Variants in RBFOX1 observed in about 807,000 individuals in gnomAD.
RBFOX1 encodes the protein RNA binding fox-1 homolog 1.
A neutral mutation model predicts 57.7 loss-of-function variants in RBFOX1; 8 were observed. That is an observed-to-expected ratio of 0.14 (90% confidence interval 0.08 to 0.25). The LOEUF is 0.25. Among genes scored for constraint, RBFOX1 ranks in the 10% least tolerant of loss-of-function variants. The pLI is 1.00. For missense variants in RBFOX1, 611 were observed against 548.5 expected (o/e 1.11, Z -1.14); for synonymous variants, 326 against 222.4 (o/e 1.47, Z -4.15).
At chr16:6,757,039 TA>T (rs58079935) in intron 3 of RBFOX1, among the ~76,000 whole-genome samples, 144,397 of 152,012 alleles carry the variant, frequency 0.95, 69,015 homozygotes, top group South Asian at 1. Flanking sequence ...CCAACAGGTA[TA>T]AAAAAAATGC....
At chr16:6,936,141 A>C (rs774787889) in intron 3 of RBFOX1, among the ~76,000 whole-genome samples, 12 of 152,150 alleles carry the variant, frequency 7.9e-5, no homozygotes, top group Non-Finnish European at 1.3e-4. Context: ...CACTTGATGG[A>C]TGCTGGTCTT....
chr16:7,692,813 G>C (rs768349347), intron 14 of RBFOX1, among the ~76,000 whole-genome samples: 5 of 151,970 alleles, frequency 3.3e-5, no homozygotes, highest in Admixed American at 6.6e-5. Context: ...GTAGCAAGCT[G>C]GGTTTGATGA....
intron 3 of RBFOX1, among the ~76,000 whole-genome samples, chr16:6,991,339 C>G (rs2091415871): frequency 6.6e-6 from 1 of 151,998 alleles, no homozygotes; most frequent in East Asian, 1.9e-4. Context: ...TCCATTTCAG[C>G]TAATACATCT....
intron 3 of RBFOX1, among the ~76,000 whole-genome samples, chr16:5,815,737 A>G (rs1418336023): frequency 6.6e-6 from 1 of 152,200 alleles, no homozygotes; most frequent in African/African-American, 2.4e-5. Flanking sequence ...AATACAATGC[A>G]CTTTAATAAA....
chr16:5,836,659 G>C (rs775247401), intron 3 of RBFOX1, among the ~76,000 whole-genome samples: 1 of 152,142 alleles, frequency 6.6e-6, no homozygotes, highest in Non-Finnish European at 1.5e-5. Flanking sequence ...TTTGGGGGCT[G>C]GGTTATTCTT....
At chr16:7,427,589 T>A (rs924947306) in intron 4 of RBFOX1, among the ~76,000 whole-genome samples, 5 of 152,078 alleles carry the variant, frequency 3.3e-5, no homozygotes, top group Non-Finnish European at 7.4e-5. Context: ...CAAGCTAATT[T>A]AACTCTTTCT....
chr16:7,379,445 G>A (rs551423225), intron 4 of RBFOX1, among the ~76,000 whole-genome samples: 1 of 152,332 alleles, frequency 6.6e-6, no homozygotes, highest in East Asian at 1.9e-4. Context: ...GGGAATGAAT[G>A]AATTGGAGCT....
At chr16:5,818,673 G>A (rs1166660794) in intron 3 of RBFOX1, among the ~76,000 whole-genome samples, 2 of 152,204 alleles carry the variant, frequency 1.3e-5, no homozygotes, top group South Asian at 2.1e-4. Context: ...CAGCATGGGA[G>A]GAAGAAAACA....
At chr16:6,366,187 G>T (rs368086353) in intron 2 of RBFOX1, among the ~76,000 whole-genome samples, 11 of 151,466 alleles carry the variant, frequency 7.3e-5, no homozygotes, top group African/African-American at 2.2e-4. Context: ...ACATATGTAC[G>T]TATAAATAAA....
rs1287766476 is a variant in RBFOX1 at position 5,454,846 on chromosome 16, TTTCTTTCTTTTC to T, written c.220-12367_220-12356del. 5.2e-3 allele frequency among the ~76,000 whole-genome samples: 699 copies of T among 134,324 alleles called. 4 individuals carry two copies. Among genetic ancestry groups the T allele is most frequent in the Non-Finnish European group, 8.2e-3 (516 of 62,764 alleles). 88.1% of individuals were successfully genotyped at this position (134,324 alleles called of 152,430 possible). On this transcript the variant is annotated intron_variant, in intron 1 of 2. Transcript: ENST00000585867. ...TTCTTTCCTTGCTTTCTTTCCTTTC[TTTCTTTCTTTTC>T]TTTCTTTCTTTCTTTCTTTCTTTCT...
chr16:6,336,949 C>G (rs2083846651), intron 2 of RBFOX1, among the ~76,000 whole-genome samples: 1 of 152,170 alleles, frequency 6.6e-6, no homozygotes, highest in Non-Finnish European at 1.5e-5. Context: ...TGCAAAATCA[C>G]TGTTCGAGTT....
rs573116446 is a variant in RBFOX1, at chr16:5,556,150, CAT to C, written c.259-42751_259-42750del. Among the ~76,000 whole-genome samples, 15 of 152,376 alleles carry C rather than the reference CAT, an allele frequency of 9.8e-5. No homozygotes were observed. In the East Asian group the frequency reaches 2.1e-3, roughly 22 times the overall value. ...TTTATATTGAGGAAATATGAACACA[CAT>C]GTTAATTAAGTAACACATTTCCCTC... On this transcript the variant is annotated intron_variant, in intron 2 of 2. Coordinates refer to the RBFOX1 transcript ENST00000585867.
chr16:5,720,877 T>C (rs1284689013), intron 3 of RBFOX1, among the ~76,000 whole-genome samples: 4 of 152,182 alleles, frequency 2.6e-5, no homozygotes, highest in African/African-American at 9.7e-5. Context: ...GTCTCCAACT[T>C]TGTTCTTAGT....
intron 3 of RBFOX1, among the ~76,000 whole-genome samples, chr16:5,730,414 A>G (rs2052322662): frequency 6.6e-6 from 1 of 152,176 alleles, no homozygotes. Flanking sequence ...TGTAGAGGGC[A>G]TGGAACTGGT....
chr16:7,171,523 A>G (rs2080701141), intron 4 of RBFOX1, among the ~76,000 whole-genome samples: 1 of 152,228 alleles, frequency 6.6e-6, no homozygotes, highest in South Asian at 2.1e-4. Context: ...GTGACACAAA[A>G]TTCAGCACAA....
chr16:5,638,014 A>G (rs2048740235), intron 3 of RBFOX1, among the ~76,000 whole-genome samples: 1 of 152,224 alleles, frequency 6.6e-6, no homozygotes, highest in African/African-American at 2.4e-5. Flanking sequence ...TTTCCTTTGG[A>G]TAAAATGGGC....
At chr16:7,337,706 A>T (rs1032724062) in intron 4 of RBFOX1, among the ~76,000 whole-genome samples, 4 of 152,144 alleles carry the variant, frequency 2.6e-5, no homozygotes, top group African/African-American at 9.7e-5. Context: ...TTGTTTTGAG[A>T]TGGAGTCTCA....
At chr16:6,588,615 G>T (rs1182161597) in intron 2 of RBFOX1, among the ~76,000 whole-genome samples, 1 of 152,158 alleles carries the variant, frequency 6.6e-6, no homozygotes, top group African/African-American at 2.4e-5. Context: ...TCATGCCACT[G>T]CACTCCAGTC....
At chr16:5,289,040 G>A (rs1034182309) in intron 1 of RBFOX1, among the ~76,000 whole-genome samples, 4 of 152,150 alleles carry the variant, frequency 2.6e-5, no homozygotes, top group African/African-American at 7.2e-5. Context: ...CAGGGGAATC[G>A]CTTGAACCTG....
Sources: gnomAD v4.1 joint callset for allele counts (sites outside exome capture counted in the v4.1 genomes callset) on GRCh38, gnomAD v4.1.1 for gene constraint, MANE v1.5 for transcripts, NCBI Gene and HGNC (gene_info 2026-07-23, HGNC 2026-07-21) for gene names.